Variants in STAP1 observed in about 807,000 individuals in gnomAD.
The protein encoded by STAP1 is signal-transducing adaptor protein 1.
In STAP1, 30 loss-of-function variants were observed where a neutral mutation model predicts 37.8. The ratio of observed to expected loss-of-function variants is 0.79; its 90% confidence interval spans 0.59 to 1.08. The LOEUF is 1.08. Ranked by LOEUF, STAP1 falls within the 50% of genes least tolerant of loss-of-function variation. STAP1 has a pLI of 0.00. For missense variants in STAP1, 357 were observed against 349.4 expected (o/e 1.02, Z -0.17); for synonymous variants, 130 against 116.0 (o/e 1.12, Z -0.78).
At chr4:67,565,967 G>A (rs1158078076) in intron 1 of STAP1, among the ~76,000 whole-genome samples, 5 of 92,268 alleles carry the variant, frequency 5.4e-5, no homozygotes, top group Admixed American at 1.7e-4. Flanking sequence ...TTTTTTTTAC[G>A]AGACAGAGTC....
chr4:67,569,214 T>C (rs1028709606), intron 1 of STAP1, among the ~76,000 whole-genome samples: 1 of 152,158 alleles, frequency 6.6e-6, no homozygotes, highest in Admixed American at 6.5e-5. Context: ...TATCTAAACA[T>C]AGCAAAAGCA....
chr4:67,576,902 C>T (rs1727734162), intron 3 of STAP1, among the ~76,000 whole-genome samples: 1 of 152,214 alleles, frequency 6.6e-6, no homozygotes, highest in Non-Finnish European at 1.5e-5. Context: ...TCCATTTTAA[C>T]TGCTAATGGA....
At chr4:67,575,024 T>C (rs1025405864) in intron 2 of STAP1, among the ~76,000 whole-genome samples, 3 of 152,120 alleles carry the variant, frequency 2.0e-5, no homozygotes, top group Non-Finnish European at 4.4e-5. Context: ...CTTAAGAACA[T>C]AGAGAACAGT....
intron 8 of STAP1, among the ~76,000 whole-genome samples, chr4:67,596,644 C>T (rs988158743): frequency 3.9e-5 from 6 of 152,144 alleles, no homozygotes; most frequent in African/African-American, 1.4e-4. Flanking sequence ...TTGTTGGGAA[C>T]TCGAGTAAGA....
chr4:67,561,109 T>C (rs1727328352), intron 1 of STAP1, among the ~76,000 whole-genome samples: 1 of 152,230 alleles, frequency 6.6e-6, no homozygotes, highest in South Asian at 2.1e-4. Flanking sequence ...TCACTTATCA[T>C]ACTCTTATTC....
At chr4:67,590,282 C>T (rs1411284277) in intron 6 of STAP1, among the ~76,000 whole-genome samples, 2 of 152,052 alleles carry the variant, frequency 1.3e-5, no homozygotes, top group South Asian at 2.1e-4. Flanking sequence ...GAAGACAATA[C>T]GATTCATGTA....
chr4:67,595,858 G>A (rs1728213724), intron 8 of STAP1, among the ~76,000 whole-genome samples: 1 of 152,148 alleles, frequency 6.6e-6, no homozygotes, highest in African/African-American at 2.4e-5. Flanking sequence ...ATTAGTTCAG[G>A]AAGAACTGAC....
intron 4 of STAP1, among the ~76,000 whole-genome samples, chr4:67,578,362 C>A (rs1727772580): frequency 6.6e-6 from 1 of 152,174 alleles, no homozygotes; most frequent in African/African-American, 2.4e-5. Flanking sequence ...TAAGCCATTG[C>A]AGTCATCTGA....
chr4:67,602,563 G>A (rs1016719509), intron 8 of STAP1, among the ~76,000 whole-genome samples: 1 of 152,114 alleles, frequency 6.6e-6, no homozygotes, highest in Admixed American at 6.6e-5. Flanking sequence ...TATACATTAG[G>A]GGGCACATGG....
chr4:67,588,746 CT>C (rs1426380780), intron 6 of STAP1, among the ~76,000 whole-genome samples: 2 of 152,140 alleles, frequency 1.3e-5, no homozygotes, highest in African/African-American at 4.8e-5. Context: ...AATCGTTGTT[CT>C]CCTTATAGGT....
At position 67,582,393 on chromosome 4, in the gene STAP1, C is replaced by T. The variant is rs554971649; in HGVS notation, c.530+922C>T. On this transcript the variant is annotated intron_variant, in intron 5 of 8. Coordinates refer to ENST00000265404, the MANE Select transcript of STAP1 (RefSeq NM_012108.4). Reference sequence around the variant, plus strand: ...GCACGATCTCAGCTCACTGCAATCTCCACCTCTGGGTCTCAAACGATTCCC... The same window carrying T: ...GCACGATCTCAGCTCACTGCAATCTTCACCTCTGGGTCTCAAACGATTCCC... 1.1e-4 allele frequency among the ~76,000 whole-genome samples: 17 copies of T among 151,876 alleles called. No homozygotes were observed. The South Asian group carries it at 3.5e-3, about 32-fold the overall frequency.
intron 8 of STAP1, among the ~76,000 whole-genome samples, chr4:67,596,263 C>T (rs1012816140): frequency 2.0e-5 from 3 of 152,134 alleles, no homozygotes; most frequent in African/African-American, 7.2e-5. Flanking sequence ...CTTGTGAAGA[C>T]GTGTCTTGCT....
At chr4:67,564,691 T>G (rs1727425931) in intron 1 of STAP1, among the ~76,000 whole-genome samples, 1 of 152,022 alleles carries the variant, frequency 6.6e-6, no homozygotes, top group Non-Finnish European at 1.5e-5. Flanking sequence ...GGCGGGTGGA[T>G]CACTTGAGGT....
At chr4:67,601,143 T>A (rs1302711617) in intron 8 of STAP1, among the ~76,000 whole-genome samples, 1 of 152,188 alleles carries the variant, frequency 6.6e-6, no homozygotes, top group Non-Finnish European at 1.5e-5. Context: ...GTAGGTTTTT[T>A]AAATTTGAAA....
chr4:67,585,766 T>C (rs754104050), intron 6 of STAP1, among the ~76,000 whole-genome samples: 4 of 152,248 alleles, frequency 2.6e-5, no homozygotes, highest in Non-Finnish European at 4.4e-5. Context: ...ATTTTTCTTA[T>C]TGTTATGACT....
At chr4:67,564,286 AT>A (rs1419859934) in intron 1 of STAP1, among the ~76,000 whole-genome samples, 1 of 152,054 alleles carries the variant, frequency 6.6e-6, no homozygotes, top group Non-Finnish European at 1.5e-5. Flanking sequence ...TTTTCCCCCC[AT>A]TTAATAAATC....
chr4:67,597,429 G>A (rs893054968), intron 8 of STAP1, among the ~76,000 whole-genome samples: 1 of 152,238 alleles, frequency 6.6e-6, no homozygotes, highest in Non-Finnish European at 1.5e-5. Flanking sequence ...TGTAGGGTTA[G>A]AGCCCCCACA....
chr4:67,563,412 A>C (rs1378032666), intron 1 of STAP1, among the ~76,000 whole-genome samples: 1 of 152,136 alleles, frequency 6.6e-6, no homozygotes, highest in Non-Finnish European at 1.5e-5. Context: ...TCACTTCACA[A>C]ATGAGTGAGT....
chr4:67,579,064 GACCTCAAGTGATCCTCCC>G (rs1035728884), intron 4 of STAP1, among the ~76,000 whole-genome samples: 33 of 152,246 alleles, frequency 2.2e-4, no homozygotes, highest in South Asian at 1.0e-3. Flanking sequence ...TCAAACTCCT[GACCTCAAGTGATCCTCCC>G]ACCTCAAGTG....
Sources: allele counts gnomAD v4.1 joint callset (sites outside exome capture counted in the v4.1 genomes callset), GRCh38; gene constraint gnomAD v4.1.1; transcripts MANE v1.5; gene names NCBI Gene and HGNC (gene_info 2026-07-23, HGNC 2026-07-21).